Variants in SIK3 observed in about 807,000 individuals in gnomAD.
The protein encoded by SIK3 is serine/threonine-protein kinase SIK3.
In SIK3, 28 loss-of-function variants were observed where a neutral mutation model predicts 144.2. The ratio of observed to expected loss-of-function variants is 0.19; its 90% CI spans 0.14 to 0.27. The LOEUF (loss-of-function observed/expected upper bound fraction) is 0.27, where lower values mean the gene tolerates loss of function less well. Ranked by LOEUF, SIK3 falls within the 10% of genes least tolerant of loss-of-function variation. SIK3 has a pLI of 1.00. For synonymous variants in SIK3, 686 were observed against 676.3 expected (o/e 1.01, Z -0.22); for missense variants, 1,319 against 1,776.0 (o/e 0.74, Z 4.62).
intron 4 of SIK3, among the ~76,000 whole-genome samples, chr11:116,922,012 A>T (rs1947009662): frequency 6.6e-6 from 1 of 152,032 alleles, no homozygotes; most frequent in Non-Finnish European, 1.5e-5. Flanking sequence ...CTTAGCCTTG[A>T]TCTCAACTAG....
At chr11:116,872,919 A>G (rs572481909) in intron 13 of SIK3, among the ~76,000 whole-genome samples, 2 of 152,326 alleles carry the variant, frequency 1.3e-5, no homozygotes, top group Admixed American at 1.3e-4. Context: ...AATAAACAGA[A>G]CCCAAGGGAG....
In SIK3 at chr11:116,859,762, A is replaced by G. The variant is rs544193358; in HGVS notation, c.2426-158T>C. On this transcript the variant is annotated intron_variant, in intron 19 of 24. Transcript: ENST00000445177. ...CAAGTCTGGAGAACTTGTTAAACAG[A>G]AGATTCCTGGGTCCTATCTATATAA... is the stretch of plus-strand genomic sequence containing the variant. Among the ~76,000 whole-genome samples the G allele has an allele frequency of 2.0e-5, 3 of 152,334 alleles. No individual in the cohort carries two copies. In the South Asian group the frequency reaches 6.2e-4, roughly 32 times the overall value.
chr11:117,019,771 G>A (rs1164639089), intron 1 of SIK3, among the ~76,000 whole-genome samples: 2 of 152,008 alleles, frequency 1.3e-5, no homozygotes, highest in South Asian at 2.1e-4. Flanking sequence ...GTGCCACCAC[G>A]CCCGGCTAAT....
At chr11:116,927,167 C>G in intron 4 of SIK3, 52 bp downstream of exon 4, 2 of 1,393,768 alleles carry the variant, frequency 1.4e-6, no homozygotes, top group Non-Finnish European at 2.0e-6. Context: ...CTTATAGAAC[C>G]CCAAGGAAAA....
At chr11:117,050,283 C>T (rs928076182) in intron 1 of SIK3, among the ~76,000 whole-genome samples, 2 of 150,558 alleles carry the variant, frequency 1.3e-5, no homozygotes, top group African/African-American at 4.9e-5. Flanking sequence ...GATCAAGACT[C>T]CATCACACAC....
chr11:116,892,121 T>A (rs1945156818), intron 6 of SIK3, among the ~76,000 whole-genome samples: 1 of 152,088 alleles, frequency 6.6e-6, no homozygotes, highest in Admixed American at 6.5e-5. Flanking sequence ...TCGCCCTAGA[T>A]CGAGAGGTCT....
At chr11:116,869,384 T>C (rs769179636) in intron 14 of SIK3, 3 of 152,234 alleles carry the variant, frequency 2.0e-5, no homozygotes, top group Non-Finnish European at 4.4e-5. Flanking sequence ...AATGGTCTCA[T>C]TTCATTCTTA....
intron 1 of SIK3, among the ~76,000 whole-genome samples, chr11:117,082,049 T>C (rs770309820): frequency 4.6e-5 from 7 of 152,190 alleles, no homozygotes; most frequent in East Asian, 1.9e-4. Context: ...CTCACTACCA[T>C]TGTTCATTAG....
At chr11:116,852,852 G>A (rs916209351) in intron 21 of SIK3, among the ~76,000 whole-genome samples, 2 of 152,218 alleles carry the variant, frequency 1.3e-5, no homozygotes, top group African/African-American at 4.8e-5. Flanking sequence ...TTAAAAGCCA[G>A]ATGAAAAAGA....
Position 116,863,662 on chromosome 11 carries a change from C to A in SIK3, c.2103+6G>T. On this transcript the variant is annotated splice_donor_region_variant and intron_variant, in intron 16 of 24. Coordinates refer to ENST00000445177, the MANE Select transcript of SIK3 (RefSeq NM_001366686.3). ...CTCCAGGGATGCCTGCCACCTCTTC[C>A]ATTACCTGCTGCAGCTGTTTGATGC... is the stretch of plus-strand genomic sequence containing the variant. 6.2e-7 allele frequency: 1 copy of A among 1,614,032 alleles called. No homozygotes were observed. The highest frequency in any genetic ancestry group is 8.5e-7 in the Non-Finnish European group (1 of 1,180,002).
At chr11:116,897,528 T>C (rs1011562444) in intron 4 of SIK3, among the ~76,000 whole-genome samples, 16 of 152,218 alleles carry the variant, frequency 1.1e-4, no homozygotes, top group African/African-American at 3.9e-4. Context: ...TCAGTTTATG[T>C]CAGCAAAAAT....
chr11:117,003,417 T>A (rs1025546847), intron 1 of SIK3, among the ~76,000 whole-genome samples: 1 of 152,146 alleles, frequency 6.6e-6, no homozygotes, highest in African/African-American at 2.4e-5. Context: ...ACAATTTTTC[T>A]AGTATAAAAT....
chr11:116,934,425 C>T (rs1376977476), intron 3 of SIK3, among the ~76,000 whole-genome samples: 2 of 152,208 alleles, frequency 1.3e-5, no homozygotes, highest in African/African-American at 4.8e-5. Context: ...TAAAAAGGCA[C>T]ACTAACATAT....
intron 13 of SIK3, among the ~76,000 whole-genome samples, chr11:116,873,107 A>C (rs1302141681): frequency 6.6e-6 from 1 of 152,194 alleles, no homozygotes; most frequent in Admixed American, 6.5e-5. Context: ...TCTAGAAACC[A>C]ATTAATTTAA....
At chr11:116,901,414 G>T (rs1945734115) in intron 4 of SIK3, among the ~76,000 whole-genome samples, 1 of 152,132 alleles carries the variant, frequency 6.6e-6, no homozygotes, top group Admixed American at 6.5e-5. Context: ...CTGCCTCCTA[G>T]CTGTCCCTCC....
intron 1 of SIK3, among the ~76,000 whole-genome samples, chr11:116,966,177 A>G (rs1291142259): frequency 6.6e-6 from 1 of 152,136 alleles, no homozygotes; most frequent in African/African-American, 2.4e-5. Flanking sequence ...TCATGCTGTA[A>G]TCCCAGGAGT....
intron 2 of SIK3, 71 bp from the exon 3 acceptor site, chr11:116,954,178 A>G: frequency 8.5e-7 from 1 of 1,182,902 alleles, no homozygotes; most frequent in Non-Finnish European, 1.2e-6. Context: ...TAAACTAATG[A>G]CTCCTCTTTT....
chr11:117,097,777 G>C (rs567817011), intron 1 of SIK3, among the ~76,000 whole-genome samples: 2 of 152,084 alleles, frequency 1.3e-5, no homozygotes, highest in South Asian at 4.2e-4. Context: ...ATTCCCTTAT[G>C]ATTCCCTAGC....
At chr11:116,874,201 C>A in intron 11 of SIK3, 145 bp from the exon 12 acceptor site, 2 of 862,222 alleles carry the variant, frequency 2.3e-6, no homozygotes, top group Admixed American at 3.0e-5. Context: ...GATCCTAAAG[C>A]AAAGCAAAAG....
Sources: allele counts gnomAD v4.1 joint callset (sites outside exome capture counted in the v4.1 genomes callset), GRCh38; gene constraint gnomAD v4.1.1; transcripts MANE v1.5; gene names NCBI Gene and HGNC (gene_info 2026-07-23, HGNC 2026-07-21).